Variants in SLC25A44 observed in about 807,000 individuals in gnomAD.
SLC25A44 encodes solute carrier family 25, member 44.
In SLC25A44, 17 loss-of-function variants were observed where a neutral mutation model predicts 29.9. The observed-to-expected ratio is 0.57, with a 90% CI of 0.39 to 0.85. The LOEUF is 0.85. Ranked by LOEUF, SLC25A44 falls within the 40% of genes least tolerant of loss-of-function variation. SLC25A44 has a pLI of 0.00. For missense variants in SLC25A44, 302 were observed against 398.4 expected, an observed-to-expected ratio of 0.76 and a Z score of 2.06; for synonymous variants, 140 against 151.8, an observed-to-expected ratio of 0.92 and a Z score of 0.57.
chr1:156,199,774 A>G (rs1656432888), intron 1 of SLC25A44, 61 bp from the exon 2 acceptor site: 2 of 1,460,712 alleles, frequency 1.4e-6, no homozygotes, highest in Non-Finnish European at 1.9e-6. Context: ...CCCAGCCAGA[A>G]GGGGAAAGCA....
At chr1:156,204,470 G>A (rs934646246) in intron 2 of SLC25A44, among the ~76,000 whole-genome samples, 1 of 152,172 alleles carries the variant, frequency 6.6e-6, no homozygotes, top group Admixed American at 6.5e-5. Context: ...GGCAGTGCCA[G>A]TCCACATGCT....
In SLC25A44 at chr1:156,210,244, A is replaced by T. The variant is rs756060567; in HGVS notation, c.758A>T (p.Glu253Val). 2 of 1,540,596 alleles carry T rather than the reference A, an allele frequency of 1.3e-6. No individual in the cohort carries two copies. Among genetic ancestry groups the T allele is most frequent in the Non-Finnish European group, 1.8e-6 (2 of 1,141,780 alleles). Residue 253 changes from glutamate (E) to valine (V), a missense_variant, in exon 4 of 4, where the codon GAG becomes GTG. Transcript: ENST00000359511. ...CCACTGTGTTGACTTTTCCAGGTTG[A>T]GGGCAAGAACTCCATCATCCTGACC... ...MDVIRTRVQV[E>V]GKNSIILTFR...
rs754955888 is a variant in SLC25A44 at position 156,208,000 on chromosome 1, G to A, written c.740G>A (p.Arg247Gln). The A allele has an allele frequency of 7.4e-6, 12 of 1,614,074 alleles. No individual in the cohort carries two copies. Among genetic ancestry groups the A allele is most frequent in the East Asian group, 2.2e-5 (1 of 44,868 alleles). ...SILTNPMDVI[R>Q]TRVQVEGKNS... Reference sequence around the variant, plus strand: ...CTCACCAATCCCATGGATGTCATACGAACCCGTGTGCAGGTAAGACTGACC... The same window carrying A: ...CTCACCAATCCCATGGATGTCATACAAACCCGTGTGCAGGTAAGACTGACC... The change falls in exon 3 of 4, where the codon CGA becomes CAA. Residue 247 changes from arginine to glutamine, a missense_variant. Arg to Gln is a conservative substitution (Grantham distance 43, BLOSUM62 1). Coordinates refer to ENST00000359511, the MANE Select transcript of SLC25A44 (RefSeq NM_014655.4).
chr1:156,204,055 T>G (rs1381469538), intron 2 of SLC25A44, among the ~76,000 whole-genome samples: 1 of 142,990 alleles, frequency 7.0e-6, no homozygotes, highest in African/African-American at 2.6e-5. Flanking sequence ...TTGCCCAAAC[T>G]GGAGTACAAT....
intron 1 of SLC25A44, 23 bp downstream of exon 1, chr1:156,194,270 T>A (rs897642712): frequency 6.6e-6 from 1 of 152,634 alleles, no homozygotes; most frequent in Non-Finnish European, 1.5e-5. Flanking sequence ...CGGCTTGAGG[T>A]CCCTGACAAC....
intron 3 of SLC25A44, among the ~76,000 whole-genome samples, chr1:156,208,312 T>TA (rs1046377563): frequency 6.6e-6 from 1 of 151,848 alleles, no homozygotes; most frequent in African/African-American, 2.4e-5. Context: ...CTACTAAAAA[T>TA]AAAAAATTAG....
intron 1 of SLC25A44, chr1:156,196,646 C>A (rs1656228828): frequency 1.3e-5 from 2 of 152,206 alleles, no homozygotes; most frequent in South Asian, 4.1e-4. Flanking sequence ...TGGCAGGAGG[C>A]CCTCCTGCTT....
chr1:156,210,770 T>G lies in SLC25A44; in HGVS notation c.*339T>G, dbSNP rs960030095. On this transcript the variant is annotated 3_prime_UTR_variant, in exon 4 of 4. Coordinates refer to ENST00000359511, the MANE Select transcript of SLC25A44 (RefSeq NM_014655.4). ...GTCCCTGAGACCCTGAGAAGAGCTG[T>G]ACATAGAGCTTGCTTACTACCACTG... is the stretch of plus-strand genomic sequence containing the variant. 3.7e-4 allele frequency: 57 copies of G among 155,316 alleles called. 1 individual carries two copies. Among genetic ancestry groups the G allele is most frequent in the Admixed American group, 2.6e-3 (37 of 14,258 alleles). 9.6% of individuals were successfully genotyped at this position (155,316 alleles called of 1,614,324 possible).
Position 156,200,147 on chromosome 1 carries a change from T to G in SLC25A44, c.300T>G (p.Phe100Leu). The change falls in exon 2 of 4, where the codon TTT becomes TTG. Residue 100 changes from phenylalanine (F) to leucine (L), a missense_variant. Coordinates refer to ENST00000359511, the MANE Select transcript of SLC25A44 (RefSeq NM_014655.4). ...CCACTTATGAGCTCACCCGGAAGTTTGTAGCTGACTACAGCCAGAGTAACA... is the reference window on the plus strand; with the variant it reads ...CCACTTATGAGCTCACCCGGAAGTTGGTAGCTGACTACAGCCAGAGTAACA... Reference protein sequence around the residue: ...YVTTYELTRKFVADYSQSNTV... With the variant: ...YVTTYELTRKLVADYSQSNTV... 6.2e-7 allele frequency: 1 copy of G among 1,614,188 alleles called. No individual in the cohort carries two copies.
At chr1:156,207,347 TTC>T (rs1170989761) in intron 2 of SLC25A44, among the ~76,000 whole-genome samples, 1 of 151,974 alleles carries the variant, frequency 6.6e-6, no homozygotes, top group Non-Finnish European at 1.5e-5. Context: ...CCAGCTAATT[TTC>T]TTTGTATTTT....
intron 2 of SLC25A44, among the ~76,000 whole-genome samples, chr1:156,207,449 G>A (rs549702679): frequency 6.6e-6 from 1 of 152,104 alleles, no homozygotes; most frequent in South Asian, 2.1e-4. Flanking sequence ...AAAGTGCTGG[G>A]ATTACAGGCG....
In SLC25A44 at chr1:156,211,104, T is replaced by G. The variant is rs1423114518; in HGVS notation, c.*673T>G. ...TGTGTGTGTGTGTGTGTGTGTGTTT[T>G]AACATCTGTGAACCAGGCTATTAGT... On this transcript the variant is annotated 3_prime_UTR_variant, in exon 4 of 4. Transcript: ENST00000359511. The G allele has an allele frequency of 5.0e-5, 6 of 118,958 alleles. 1 individual carries two copies. The highest frequency in any genetic ancestry group is 5.0e-4 in the Admixed American group (6 of 11,924). 7.4% of individuals were successfully genotyped at this position (118,958 alleles called of 1,614,324 possible). A position where few individuals can be genotyped will look rare whatever the true frequency, so the allele number is the denominator to read the frequency against.
intron 2 of SLC25A44, among the ~76,000 whole-genome samples, chr1:156,205,031 G>A (rs1656841144): frequency 6.6e-6 from 1 of 151,692 alleles, no homozygotes; most frequent in South Asian, 2.1e-4. Flanking sequence ...CTAAAACTAG[G>A]AGCATGAGGA....
At chr1:156,208,112 C>T (rs187020818) in intron 3 of SLC25A44, 99 bp downstream of exon 3, 1 of 1,029,540 alleles carries the variant, frequency 9.7e-7, no homozygotes, top group African/African-American at 1.6e-5. Context: ...GTGTCCTGGC[C>T]CTCTAGTCCA....
Position 156,210,222 on chromosome 1 carries a change from C to G in SLC25A44, c.754-18C>G. On this transcript the variant is annotated intron_variant, in intron 3 of 3. Coordinates refer to ENST00000359511, the MANE Select transcript of SLC25A44 (RefSeq NM_014655.4). ...TCTGACTACAGACAATGGCCCTCCA[C>G]TGTGTTGACTTTTCCAGGTTGAGGG... The G allele has an allele frequency of 6.6e-7, 1 of 1,520,302 alleles. No individual in the cohort carries two copies. Among genetic ancestry groups the G allele is most frequent in the Non-Finnish European group, 8.9e-7 (1 of 1,128,052 alleles). 94.2% of individuals were successfully genotyped at this position (1,520,302 alleles called of 1,614,324 possible).
At chr1:156,207,817 C>T (rs886198906) in intron 2 of SLC25A44, 69 bp from the exon 3 acceptor site, 3 of 1,574,956 alleles carry the variant, frequency 1.9e-6, no homozygotes, top group African/African-American at 1.3e-5. Context: ...CTGGTAGAAG[C>T]AGCAAGCACA....
At position 156,199,985 on chromosome 1, in the gene SLC25A44, A is replaced by C; in HGVS notation, c.138A>C (p.Gln46His). 1 of 1,614,166 alleles carries C rather than the reference A, an allele frequency of 6.2e-7. No individual in the cohort carries two copies. The highest frequency in any genetic ancestry group is 8.5e-7 in the Non-Finnish European group (1 of 1,180,026). The stretch of plus-strand genomic sequence containing the variant: ...TCACCCTCATCCGCACCCGGTTGCA[A>C]GTTCAGAAGGGGAAGAGCCTCTACC... ...YPFTLIRTRL[Q>H]VQKGKSLYHG... The change falls in exon 2 of 4, where the codon CAA becomes CAC. Residue 46 changes from glutamine to histidine, a missense_variant. Physicochemically the swap from Gln to His is conservative, Grantham distance 24 (BLOSUM62 0). Transcript: ENST00000359511.
rs2842857 is a variant in SLC25A44, at chr1:156,198,945, T to C, written c.-13-890T>C. ...TGTACTCTGTAGTTCCCCAGACTCT[T>C]CAGGGAAACTACTTAGCTCTCAGGT... On this transcript the variant is annotated intron_variant, in intron 1 of 3. Transcript: ENST00000359511. The surrounding 1 kb of genome is among the most constrained non-coding windows in gnomAD (Gnocchi z 4.1). The C allele has an allele frequency of 0.42, 63,601 of 152,194 alleles. 14,943 individuals carry two copies. Among genetic ancestry groups the C allele is most frequent in the African/African-American group, 0.64 (26,722 of 41,484 alleles). The allele number at this position is 152,194 out of a possible 1,614,324, so 9.4% of individuals were successfully genotyped here.
At chr1:156,205,777 C>T (rs1404112045) in intron 2 of SLC25A44, among the ~76,000 whole-genome samples, 2 of 152,180 alleles carry the variant, frequency 1.3e-5, no homozygotes, top group Non-Finnish European at 2.9e-5. Context: ...TTTATTATCT[C>T]TTCACACTAG....
Sources: allele counts gnomAD v4.1 joint callset (sites outside exome capture counted in the v4.1 genomes callset), GRCh38; gene constraint gnomAD v4.1.1; non-coding constraint Gnocchi (gnomAD v3.1); transcripts MANE v1.5; gene names NCBI Gene and HGNC (gene_info 2026-07-23, HGNC 2026-07-21).